The following TENM1 variants were observed in gnomAD, a reference collection of about 807,000 sequenced individuals.
TENM1 encodes the protein teneurin transmembrane protein 1, also known as teneurin-1.
In TENM1, 35 loss-of-function variants were observed where a neutral mutation model predicts 174.8. The observed-to-expected ratio is 0.20, with a 90% confidence interval of 0.15 to 0.27. The LOEUF is 0.27. Among genes scored for constraint, TENM1 ranks in the 10% least tolerant of loss-of-function variants. The pLI, the probability that TENM1 is intolerant of heterozygous loss-of-function variation, is 1.00. For missense variants in TENM1, 1,633 were observed against 2,130.1 expected, an observed-to-expected ratio of 0.77 and a Z score of 4.59; for synonymous variants, 781 against 798.7, an observed-to-expected ratio of 0.98 and a Z score of 0.37.
intron 3 of TENM1, among the ~76,000 whole-genome samples, chrX:124,767,279 C>A (rs1012320164): frequency 1.8e-5 from 2 of 111,473 alleles, no homozygotes; most frequent in African/African-American, 6.5e-5. Flanking sequence ...TGTGTTCTCA[C>A]ACAACTTATT....
At chrX:125,119,594 A>C in the TENM1 span, among the ~76,000 whole-genome samples, 1 of 110,704 alleles carries the variant, frequency 9.0e-6, no homozygotes, top group Non-Finnish European at 1.9e-5. Context: ...CTTTGACTTT[A>C]AGGTAAAAAA....
At chrX:124,400,276 T>C (rs190341093) in intron 27 of TENM1, among the ~76,000 whole-genome samples, 4 of 111,805 alleles carry the variant, frequency 3.6e-5, no homozygotes, top group Admixed American at 2.8e-4. Flanking sequence ...GAGCACCCTG[T>C]AGCTGAGGAC....
the TENM1 span, among the ~76,000 whole-genome samples, chrX:125,172,908 T>C: frequency 8.9e-6 from 1 of 111,868 alleles, no homozygotes; most frequent in Non-Finnish European, 1.9e-5. Flanking sequence ...ATTCTTGACA[T>C]GCAGAACCAA....
chrX:124,904,221 C>T (rs1277196883), intron 1 of TENM1, among the ~76,000 whole-genome samples: 1 of 111,688 alleles, frequency 9.0e-6, no homozygotes, highest in Non-Finnish European at 1.9e-5. Flanking sequence ...AATATTATTT[C>T]TGTAACATTC....
At chrX:124,493,281 T>C (rs1381054956) in intron 20 of TENM1, among the ~76,000 whole-genome samples, 1 of 112,014 alleles carries the variant, frequency 8.9e-6, no homozygotes, top group Non-Finnish European at 1.9e-5. Context: ...TGCAAATTTG[T>C]AAACTGTTAA....
At chrX:124,403,210 C>G (rs1422915538) in intron 27 of TENM1, among the ~76,000 whole-genome samples, 4 of 110,969 alleles carry the variant, frequency 3.6e-5, no homozygotes, top group Non-Finnish European at 7.6e-5. Context: ...CTGTGTGTCA[C>G]CAAGAGAACT....
chrX:124,559,903 T>C (rs1602663283), intron 14 of TENM1, among the ~76,000 whole-genome samples: 1 of 110,716 alleles, frequency 9.0e-6, no homozygotes, highest in Middle Eastern at 4.6e-3. Context: ...ACACCATGGG[T>C]AATTGAGGAG....
intron 3 of TENM1, among the ~76,000 whole-genome samples, chrX:124,777,458 A>G (rs1001554900): frequency 1.5e-4 from 17 of 111,788 alleles, no homozygotes; most frequent in Non-Finnish European, 1.5e-4. Context: ...GTTCTACTGA[A>G]AAGTTAGTAC....
intron 22 of TENM1, among the ~76,000 whole-genome samples, chrX:124,464,239 T>A (rs1348436540): frequency 9.0e-6 from 1 of 111,356 alleles, no homozygotes; most frequent in Non-Finnish European, 1.9e-5. Context: ...AGCAAAAAAC[T>A]AATTGCAGTT....
At chrX:124,407,335 A>C (rs2060474908) in intron 25 of TENM1, among the ~76,000 whole-genome samples, 1 of 112,173 alleles carries the variant, frequency 8.9e-6, no homozygotes, top group African/African-American at 3.2e-5. Context: ...TAGAACCATG[A>C]AAAATAAACA....
chrX:124,999,986 C>T, the TENM1 span, among the ~76,000 whole-genome samples: 1 of 111,132 alleles, frequency 9.0e-6, no homozygotes, highest in Admixed American at 9.6e-5. Context: ...TTCTTTTTAA[C>T]AAGTATGAAC....
chrX:124,717,790 T>C lies in TENM1; in HGVS notation c.777-12539A>G, dbSNP rs187006299. Among the ~76,000 whole-genome samples, 5 of 112,266 alleles carry C rather than the reference T, an allele frequency of 4.5e-5. No individual in the cohort carries two copies. The East Asian group carries it at 1.4e-3, about 31-fold the overall frequency. ...ATATAGTACAACCACAATTACGTGC[T>C]GTCCCCTCCCACACAAAACCAAAAG... On this transcript the variant is annotated intron_variant, in intron 4 of 31. Coordinates refer to ENST00000422452, the Ensembl canonical transcript of TENM1.
chrX:124,871,194 T>A (rs1365303128), intron 3 of TENM1, among the ~76,000 whole-genome samples: 1 of 111,747 alleles, frequency 8.9e-6, no homozygotes, highest in Admixed American at 9.6e-5. Context: ...ACTATTCCAC[T>A]TTCTACTTCT....
chrX:124,551,847 T>C (rs924819328), intron 14 of TENM1, among the ~76,000 whole-genome samples: 1 of 111,984 alleles, frequency 8.9e-6, no homozygotes, highest in African/African-American at 3.2e-5. Flanking sequence ...AATCTAAGGA[T>C]AGAGTCTTAG....
chrX:125,161,556 A>G, the TENM1 span, among the ~76,000 whole-genome samples: 2 of 111,860 alleles, frequency 1.8e-5, no homozygotes, highest in East Asian at 5.6e-4. Context: ...ATATTGTATG[A>G]TTCCATTTAT....
the TENM1 span, among the ~76,000 whole-genome samples, chrX:125,131,441 A>G: frequency 8.9e-6 from 1 of 111,955 alleles, no homozygotes; most frequent in African/African-American, 3.2e-5. Flanking sequence ...TCTACCCAGA[A>G]CTTAAAAGTG....
chrX:125,105,178 T>G, the TENM1 span, among the ~76,000 whole-genome samples: 2 of 111,562 alleles, frequency 1.8e-5, no homozygotes, highest in East Asian at 5.7e-4. Context: ...TTTTTGACAA[T>G]AGAAAGGCAG....
intron 23 of TENM1, among the ~76,000 whole-genome samples, chrX:124,444,668 C>A (rs2060946981): frequency 1.8e-5 from 2 of 109,349 alleles, no homozygotes; most frequent in Admixed American, 1.9e-4. Flanking sequence ...AATCAATGGG[C>A]AAAAGGAAAA....
chrX:124,708,686 C>T (rs750662765), intron 4 of TENM1, among the ~76,000 whole-genome samples: 1 of 110,897 alleles, frequency 9.0e-6, no homozygotes, highest in Non-Finnish European at 1.9e-5. Flanking sequence ...CAAAAAAAGG[C>T]AGGCTTCAAA....
Sources: gnomAD v4.1 joint callset for allele counts (sites outside exome capture counted in the v4.1 genomes callset) on GRCh38, gnomAD v4.1.1 for gene constraint, MANE v1.5 for transcripts, NCBI Gene and HGNC (gene_info 2026-07-23, HGNC 2026-07-21) for gene names.